The following TMEM132D variants were observed in gnomAD, a reference collection of about 807,000 sequenced individuals.
TMEM132D encodes transmembrane protein 132D.
Under a neutral mutation model 62.3 loss-of-function variants are expected in TMEM132D, and 21 were observed. The observed-to-expected ratio is 0.34, with a 90% confidence interval of 0.24 to 0.49. TMEM132D has a LOEUF of 0.49. Ranked by LOEUF, TMEM132D falls within the 20% of genes least tolerant of loss-of-function variation. The pLI is 0.99. For missense variants in TMEM132D, 1,346 were observed against 1,402.8 expected, an observed-to-expected ratio of 0.96 and a Z score of 0.65; for synonymous variants, 621 against 575.6, an observed-to-expected ratio of 1.08 and a Z score of -1.13.
At chr12:129,298,767 G>T (rs1276147626) in intron 4 of TMEM132D, among the ~76,000 whole-genome samples, 1 of 152,120 alleles carries the variant, frequency 6.6e-6, no homozygotes, top group East Asian at 1.9e-4. Flanking sequence ...TTCACTTAAT[G>T]TGATGTCCTC....
chr12:129,692,086 A>G (rs965326578), intron 2 of TMEM132D, among the ~76,000 whole-genome samples: 4 of 152,102 alleles, frequency 2.6e-5, no homozygotes, highest in African/African-American at 9.7e-5. Context: ...CAGAGGGAAG[A>G]TGTTCTAACC....
At chr12:129,547,044 A>G (rs1371204685) in intron 2 of TMEM132D, among the ~76,000 whole-genome samples, 2 of 152,180 alleles carry the variant, frequency 1.3e-5, no homozygotes, top group Non-Finnish European at 2.9e-5. Flanking sequence ...TCAGGAGGCT[A>G]GAAGTCAGAA....
chr12:129,161,352 TTA>T (rs1877394535), intron 5 of TMEM132D, among the ~76,000 whole-genome samples: 1 of 152,220 alleles, frequency 6.6e-6, no homozygotes, highest in Non-Finnish European at 1.5e-5. Context: ...TCTCAGACTT[TTA>T]GAGTTGGTTT....
At chr12:129,733,776 C>T (rs1181066683) in intron 1 of TMEM132D, among the ~76,000 whole-genome samples, 5 of 152,064 alleles carry the variant, frequency 3.3e-5, no homozygotes, top group African/African-American at 9.7e-5. Context: ...TGCCCTGGAC[C>T]GGCACAGTCG....
chr12:129,311,658 T>A (rs984794973), intron 4 of TMEM132D, among the ~76,000 whole-genome samples: 2 of 152,112 alleles, frequency 1.3e-5, no homozygotes, highest in Non-Finnish European at 2.9e-5. Flanking sequence ...AATACAATGT[T>A]GTGAAGAAGT....
At chr12:129,513,836 ATTTATTTATTTATTTT>A (rs1265447714) in intron 3 of TMEM132D, among the ~76,000 whole-genome samples, 1 of 114,412 alleles carries the variant, frequency 8.7e-6, no homozygotes, top group Admixed American at 9.7e-5. Context: ...TTATTTATTT[ATTTATTTATTTATTTT>A]TTTGAGACGG....
chr12:129,362,352 A>C (rs1870273813), intron 3 of TMEM132D, among the ~76,000 whole-genome samples: 1 of 152,096 alleles, frequency 6.6e-6, no homozygotes, highest in African/African-American at 2.4e-5. Flanking sequence ...GGAGCCTCAA[A>C]AGTGAGGCAA....
chr12:129,157,868 T>C (rs1159652071), intron 5 of TMEM132D, among the ~76,000 whole-genome samples: 1 of 152,240 alleles, frequency 6.6e-6, no homozygotes, highest in East Asian at 1.9e-4. Context: ...GAATGCTAGA[T>C]ATTCTCTATT....
intron 1 of TMEM132D, among the ~76,000 whole-genome samples, chr12:129,773,850 C>G (rs548169940): frequency 6.6e-6 from 1 of 152,338 alleles, no homozygotes; most frequent in East Asian, 1.9e-4. Flanking sequence ...AGCTCTGCCA[C>G]TTACTTGCCA....
intron 2 of TMEM132D, among the ~76,000 whole-genome samples, chr12:129,621,070 G>T (rs1403579548): frequency 1.3e-5 from 2 of 152,184 alleles, no homozygotes; most frequent in Non-Finnish European, 2.9e-5. Context: ...CCAAGTGGAG[G>T]TTGACACCCC....
At chr12:129,674,028 A>G (rs1880569191) in intron 2 of TMEM132D, among the ~76,000 whole-genome samples, 1 of 152,196 alleles carries the variant, frequency 6.6e-6, no homozygotes, top group Non-Finnish European at 1.5e-5. Flanking sequence ...TGACACATGA[A>G]GACTGAAATC....
At chr12:129,749,809 C>T (rs1437196943) in intron 1 of TMEM132D, among the ~76,000 whole-genome samples, 1 of 152,130 alleles carries the variant, frequency 6.6e-6, no homozygotes, top group Admixed American at 6.5e-5. Context: ...AAGAAAGACA[C>T]AGAGTATGTA....
At chr12:129,404,011 G>A (rs1391254689) in intron 3 of TMEM132D, among the ~76,000 whole-genome samples, 1 of 152,060 alleles carries the variant, frequency 6.6e-6, no homozygotes, top group Non-Finnish European at 1.5e-5. Context: ...AGATGGATAG[G>A]TGATGGGGTC....
chr12:129,164,222 T>C (rs1877477403), intron 5 of TMEM132D, among the ~76,000 whole-genome samples: 1 of 152,178 alleles, frequency 6.6e-6, no homozygotes. Flanking sequence ...CATTTCCCGG[T>C]CAACTCATGT....
At chr12:129,081,713 G>T (rs2135615523) in intron 7 of TMEM132D, 46 bp downstream of exon 7, 1 of 1,535,532 alleles carries the variant, frequency 6.5e-7, no homozygotes. Context: ...GCAGAGGTGG[G>T]AAGACAGAGA....
intron 2 of TMEM132D, among the ~76,000 whole-genome samples, chr12:129,657,628 C>G (rs185538217): frequency 6.6e-6 from 1 of 152,196 alleles, no homozygotes; most frequent in African/African-American, 2.4e-5. Flanking sequence ...TAAAAATGTA[C>G]GGGTAAGTTA....
intron 4 of TMEM132D, among the ~76,000 whole-genome samples, chr12:129,314,881 T>TTATG (rs1868434121): frequency 6.6e-6 from 1 of 151,924 alleles, no homozygotes; most frequent in African/African-American, 2.4e-5. Context: ...ATTTATTTAT[T>TTATG]TATCTATCTA....
chr12:129,736,961 G>T (rs911871412), intron 1 of TMEM132D, among the ~76,000 whole-genome samples: 3 of 152,084 alleles, frequency 2.0e-5, no homozygotes, highest in Non-Finnish European at 2.9e-5. Flanking sequence ...GGGATTACAG[G>T]CATGTGCCAC....
At chr12:129,812,068 T>C (rs1255574228) in intron 1 of TMEM132D, among the ~76,000 whole-genome samples, 1 of 151,838 alleles carries the variant, frequency 6.6e-6, no homozygotes, top group African/African-American at 2.4e-5. Context: ...GCTGCTACCT[T>C]GGTGGTGATT....
Sources: allele counts gnomAD v4.1 joint callset (sites outside exome capture counted in the v4.1 genomes callset), GRCh38; gene constraint gnomAD v4.1.1; transcripts MANE v1.5; gene names NCBI Gene and HGNC (gene_info 2026-07-23, HGNC 2026-07-21).